SLC7A14: variants seen among roughly 807,000 people sequenced by gnomAD.
SLC7A14 encodes gamma-aminobutyric acid transporter SLC7A14.
A neutral mutation model predicts 60.2 loss-of-function variants in SLC7A14; 37 were observed. That is an observed-to-expected ratio of 0.61 (90% confidence interval 0.47 to 0.81). The LOEUF is 0.81. Ranked by LOEUF, SLC7A14 falls within the 30% of genes least tolerant of loss-of-function variation. SLC7A14 has a pLI of 0.00. For synonymous variants in SLC7A14, 399 were observed against 395.8 expected, an observed-to-expected ratio of 1.01 and a Z score of -0.10; for missense variants, 886 against 982.7, an observed-to-expected ratio of 0.90 and a Z score of 1.32.
rs377511520 is a variant in SLC7A14 at position 170,477,153 on chromosome 3, G to A, written c.1993+3136C>T. 1.4e-3 allele frequency among the ~76,000 whole-genome samples: 206 copies of A among 152,312 alleles called. 2 individuals are homozygous for A. The highest frequency in any genetic ancestry group is 4.6e-3 in the African/African-American group (192 of 41,568). On this transcript the variant is annotated intron_variant, in intron 7 of 7. Transcript: ENST00000231706. ...GAGTCTGCTCAGAGGCACCCTGGTG[G>A]GGTAGTAGGAGCCCCAGATTTGAGC...
At chr3:170,498,560 G>A in intron 4 of SLC7A14, 107 bp downstream of exon 4, 2 of 914,984 alleles carry the variant, frequency 2.2e-6, no homozygotes, top group Non-Finnish European at 3.3e-6. Context: ...GGGTGCTGTG[G>A]TAATTATGGA....
intron 1 of SLC7A14, among the ~76,000 whole-genome samples, chr3:170,527,932 G>C (rs2108294347): frequency 6.6e-6 from 1 of 152,260 alleles, no homozygotes; most frequent in South Asian, 2.1e-4. Flanking sequence ...TACAACTATA[G>C]AATAAATCAA....
At chr3:170,500,438 C>CAAAAA (rs66971540) in intron 3 of SLC7A14, among the ~76,000 whole-genome samples, 1 of 55,640 alleles carries the variant, frequency 1.8e-5, no homozygotes, top group Non-Finnish European at 3.5e-5. Flanking sequence ...GACTCTGTCT[C>CAAAAA]AAAAAAAAAA....
chr3:170,504,619 G>A (rs112126830), intron 2 of SLC7A14, among the ~76,000 whole-genome samples: 405 of 151,992 alleles, frequency 2.7e-3, no homozygotes, highest in Non-Finnish European at 4.8e-3. Flanking sequence ...TGCGCCCGGC[G>A]AAACCTTGGT....
chr3:170,536,018 G>A (rs12487488), intron 1 of SLC7A14, among the ~76,000 whole-genome samples: 20,858 of 152,194 alleles, frequency 0.14, 1,452 homozygotes, highest in Admixed American at 0.18. Context: ...AATACCCGCT[G>A]TGTCTACAGA....
chr3:170,503,144 G>A (rs1712666143), intron 2 of SLC7A14: 1 of 152,156 alleles, frequency 6.6e-6, no homozygotes, highest in African/African-American at 2.4e-5. Context: ...TTTATTTTGA[G>A]TTCCTATGTC....
At chr3:170,521,428 A>G (rs1346951572) in intron 2 of SLC7A14, among the ~76,000 whole-genome samples, 1 of 152,248 alleles carries the variant, frequency 6.6e-6, no homozygotes, top group Non-Finnish European at 1.5e-5. Flanking sequence ...AAAAATTCCA[A>G]TCCCTGGACC....
intron 7 of SLC7A14, among the ~76,000 whole-genome samples, chr3:170,474,249 T>A (rs776217306): frequency 3.3e-5 from 5 of 152,252 alleles, no homozygotes; most frequent in Non-Finnish European, 7.3e-5. Flanking sequence ...CTGTTGTGGC[T>A]TGAATTCTGT....
chr3:170,470,708 A>C (rs1739874945), intron 7 of SLC7A14, among the ~76,000 whole-genome samples: 1 of 145,262 alleles, frequency 6.9e-6, no homozygotes, highest in Admixed American at 6.8e-5. Flanking sequence ...ACAAAGAAAC[A>C]GAGAGGAACA....
chr3:170,585,649 G>T lies in SLC7A14; in HGVS notation c.-153+262C>A, dbSNP rs1715365039. ...CGGCAGCTCCCGCGAGTCAGAGCCC[G>T]GTGCCCCCAGACCGCGGGCAGTCGG... On this transcript the variant is annotated intron_variant, in intron 1 of 7. Transcript: ENST00000231706. This position sits in a 1 kb window ranked among gnomAD's most constrained non-coding sequence, Gnocchi z 5.1. Among the ~76,000 whole-genome samples the T allele has an allele frequency of 6.6e-6, 1 of 152,140 alleles. No individual in the cohort carries two copies. The highest frequency in any genetic ancestry group is 6.5e-5 in the Admixed American group (1 of 15,284).
chr3:170,485,569 A>T (rs1446768904), intron 5 of SLC7A14, among the ~76,000 whole-genome samples: 1 of 152,000 alleles, frequency 6.6e-6, no homozygotes, highest in African/African-American at 2.4e-5. Context: ...CTGGGATGGG[A>T]GCTCCGAGAG....
At chr3:170,559,336 C>A (rs79170243) in intron 1 of SLC7A14, among the ~76,000 whole-genome samples, 1 of 151,950 alleles carries the variant, frequency 6.6e-6, no homozygotes, top group African/African-American at 2.4e-5. Flanking sequence ...AAGAGCTAAT[C>A]GATTTCAGAA....
chr3:170,466,852 G>A lies in SLC7A14; in HGVS notation c.*203C>T, dbSNP rs891483313. 5.8e-6 allele frequency: 3 copies of A among 515,816 alleles called. No individual in the cohort carries two copies. The highest frequency in any genetic ancestry group is 6.2e-5 in the East Asian group (2 of 32,008). The allele number at this position is 515,816 out of a possible 1,614,324, so 32.0% of individuals were successfully genotyped here. ...ATTTATTTATTTTATTTAACAAGGC[G>A]ACCAGTTAGGGGACCCAGGTTAAGC... On this transcript the variant is annotated 3_prime_UTR_variant, in exon 8 of 8. Coordinates refer to ENST00000231706, the MANE Select transcript of SLC7A14 (RefSeq NM_020949.3).
chr3:170,473,610 G>A (rs967018348), intron 7 of SLC7A14, among the ~76,000 whole-genome samples: 1 of 152,198 alleles, frequency 6.6e-6, no homozygotes. Flanking sequence ...GACATTTGCC[G>A]AAGCAGAAAG....
At chr3:170,519,708 G>A (rs1451299129) in intron 2 of SLC7A14, among the ~76,000 whole-genome samples, 1 of 152,218 alleles carries the variant, frequency 6.6e-6, no homozygotes, top group Non-Finnish European at 1.5e-5. Context: ...CTGGGGAGGT[G>A]TAGGTTGCAG....
At chr3:170,504,345 G>A (rs1195661755) in intron 2 of SLC7A14, among the ~76,000 whole-genome samples, 2 of 151,530 alleles carry the variant, frequency 1.3e-5, no homozygotes, top group African/African-American at 4.9e-5. Context: ...TTTTTAGATG[G>A]AGTTTCACTC....
chr3:170,556,036 G>A (rs1714477413), intron 1 of SLC7A14, among the ~76,000 whole-genome samples: 1 of 152,176 alleles, frequency 6.6e-6, no homozygotes, highest in African/African-American at 2.4e-5. Context: ...CCTACTAAAT[G>A]TGCAATCTGG....
chr3:170,506,877 T>C (rs1403729751), intron 2 of SLC7A14, among the ~76,000 whole-genome samples: 2 of 152,138 alleles, frequency 1.3e-5, no homozygotes, highest in African/African-American at 4.8e-5. Flanking sequence ...TGGGGAAGCT[T>C]TTCCACTTAA....
At chr3:170,497,087 CAAAAAAAAAAA>C (rs548290941) in intron 4 of SLC7A14, among the ~76,000 whole-genome samples, 49 of 94,278 alleles carry the variant, frequency 5.2e-4, no homozygotes, top group South Asian at 4.0e-4. Flanking sequence ...TTATTTTGTC[CAAAAAAAAAAA>C]AAAAAAAAAA....
Sources: gnomAD v4.1 joint callset for allele counts (sites outside exome capture counted in the v4.1 genomes callset) on GRCh38, gnomAD v4.1.1 for gene constraint, Gnocchi (gnomAD v3.1) non-coding constraint, MANE v1.5 for transcripts, NCBI Gene and HGNC (gene_info 2026-07-23, HGNC 2026-07-21) for gene names.